SGSH: variants seen among roughly 807,000 people sequenced by gnomAD.
The protein encoded by SGSH is N-sulfoglucosamine sulfohydrolase, also known as heparan sulfate sulfatase.
SGSH carries 48 observed loss-of-function variants against 51.0 expected under a neutral mutation model. The ratio of observed to expected loss-of-function variants is 0.94; its 90% confidence interval spans 0.75 to 1.20. The LOEUF (loss-of-function observed/expected upper bound fraction) is 1.20. SGSH is among the 50% of genes most tolerant of loss of function. SGSH has a pLI of 0.00. For synonymous variants in SGSH, 321 were observed against 313.4 expected, an observed-to-expected ratio of 1.02 and a Z score of -0.26; for missense variants, 662 against 717.8, an observed-to-expected ratio of 0.92 and a Z score of 0.89.
At chr17:80,202,121 C>A (rs1170882612), downstream of SGSH, 4 of 1,475,126 alleles carry the variant, frequency 2.7e-6, no homozygotes, top group East Asian at 2.3e-5. Flanking sequence ...TTTTCTGCAA[C>A]CTTCCTCGCA....
At chr17:80,201,988 C>T (rs1439987183), downstream of SGSH, 2 of 1,393,874 alleles carry the variant, frequency 1.4e-6, no homozygotes, top group African/African-American at 2.9e-5. The surrounding 1 kb of genome is among the most constrained non-coding windows in gnomAD (Gnocchi z 5.0). Flanking sequence ...AAGAGAGGAT[C>T]AGCCAGGCTG....
chr17:80,208,115 C>T, downstream of SGSH: 3 of 1,493,642 alleles, frequency 2.0e-6, no homozygotes, highest in South Asian at 1.3e-5. Flanking sequence ...TGAGCCCGCC[C>T]CCCCCAACTC....
chr17:80,219,547 AC>A (rs2042050645), intron 1 of SGSH, among the ~76,000 whole-genome samples: 1 of 152,178 alleles, frequency 6.6e-6, no homozygotes. Flanking sequence ...AGTGAGCCGA[AC>A]CCCCGCCCAG....
downstream of SGSH, chr17:80,204,763 T>G (rs1411094622): frequency 4.5e-6 from 2 of 445,742 alleles, no homozygotes; most frequent in African/African-American, 4.0e-5. Context: ...TCCGCCATCC[T>G]CCCTTGGGCC....
At chr17:80,205,353 A>T, downstream of SGSH, 1 of 1,155,098 alleles carries the variant, frequency 8.7e-7, no homozygotes, top group Non-Finnish European at 1.2e-6. Context: ...CAGATAGTTC[A>T]GGATGGAGGT....
downstream of SGSH, chr17:80,202,385 T>C (rs1298475615): frequency 1.2e-6 from 2 of 1,612,980 alleles, no homozygotes; most frequent in African/African-American, 1.3e-5. Flanking sequence ...CCATGAAGGA[T>C]ACTGCCGCGC....
downstream of SGSH, chr17:80,202,311 C>T: frequency 3.1e-6 from 5 of 1,613,774 alleles, no homozygotes; most frequent in Non-Finnish European, 4.2e-6. Context: ...CGAGGTCCTG[C>T]ACGTCACCGA....
At chr17:80,211,037 C>A (rs1410346801) in intron 7 of SGSH, 26 bp from the exon 8 acceptor site, 2 of 1,597,778 alleles carry the variant, frequency 1.3e-6, no homozygotes, top group African/African-American at 2.7e-5. Context: ...CATCTCAGAG[C>A]AGCAGAGCCC....
In SGSH at chr17:80,209,935, G is replaced by GT; in HGVS notation, c.*516dup. ...AAGGCTTCCTCTAGGCCAGACGCTG[G>GT]TAAGAGCCAGGCGCCGTGCTCCCAG... On this transcript the variant is annotated 3_prime_UTR_variant, in exon 8 of 8. Transcript: ENST00000326317. 1.0e-6 allele frequency: 1 copy of GT among 999,910 alleles called. No individual in the cohort carries two copies. The highest frequency in any genetic ancestry group is 4.3e-5 in the South Asian group (1 of 23,054). 61.9% of individuals were successfully genotyped at this position (999,910 alleles called of 1,614,324 possible). A position where few individuals can be genotyped will look rare whatever the true frequency, so the allele number is the denominator to read the frequency against.
rs1438645884 is a variant in SGSH at position 80,209,380 on chromosome 17, G to A, written c.*1072C>T. On this transcript the variant is annotated 3_prime_UTR_variant, in exon 8 of 8. Transcript: ENST00000326317. The stretch of plus-strand genomic sequence containing the variant: ...CCACCCCAGTATGGAGTGATAGGGA[G>A]GGAAGGGCAAGGGGAGCCCACCTAC... 1 of 985,500 alleles carries A rather than the reference G, an allele frequency of 1.0e-6. No individual in the cohort carries two copies. The highest frequency in any genetic ancestry group is 6.1e-5 in the Admixed American group (1 of 16,290). 61.0% of individuals were successfully genotyped at this position (985,500 alleles called of 1,614,324 possible). A position where few individuals can be genotyped will look rare whatever the true frequency, so the allele number is the denominator to read the frequency against.
chr17:80,203,132 T>A (rs907452055), downstream of SGSH: 1 of 152,002 alleles, frequency 6.6e-6, no homozygotes, highest in Non-Finnish European at 1.5e-5. The surrounding 1 kb of genome is among the most constrained non-coding windows in gnomAD (Gnocchi z 4.6). Flanking sequence ...TAGCTGGGCG[T>A]GGTGGCAGGT....
At chr17:80,207,877 A>G (rs2041424615), downstream of SGSH, among the ~76,000 whole-genome samples, 1 of 151,694 alleles carries the variant, frequency 6.6e-6, no homozygotes, top group African/African-American at 2.4e-5. Flanking sequence ...AAAAAAAAAA[A>G]GTAAAAAAAT....
In SGSH at chr17:80,212,970, C is replaced by T. The variant is rs1361644099; in HGVS notation, c.746-696G>A. The T allele has an allele frequency of 6.4e-6, 1 of 155,972 alleles. No homozygotes were observed. The highest frequency in any genetic ancestry group is 2.4e-5 in the African/African-American group (1 of 41,440). 9.7% of individuals were successfully genotyped at this position (155,972 alleles called of 1,614,324 possible). On this transcript the variant is annotated intron_variant, in intron 6 of 7. Transcript: ENST00000326317. This position sits in a 1 kb window ranked among gnomAD's most constrained non-coding sequence, Gnocchi z 5.9. The stretch of plus-strand genomic sequence containing the variant: ...CTTTGGGAGGCTGAGGTGGGCGGAT[C>T]ACGAGGTCAGGAGTTCAAGACCAGC...
intron 1 of SGSH, 184 bp from the exon 2 acceptor site, chr17:80,217,376 A>G (rs2041933534): frequency 4.2e-6 from 3 of 706,148 alleles, no homozygotes; most frequent in East Asian, 2.7e-5. Context: ...CCTAGGAGGC[A>G]TGACACCCGA....
chr17:80,220,332 T>G lies in SGSH; in HGVS notation c.-19A>C. On this transcript the variant is annotated 5_prime_UTR_variant, in exon 1 of 8. Coordinates refer to ENST00000326317, the MANE Select transcript of SGSH (RefSeq NM_000199.5). ...AGCTCATGGCGGCGGCGGCTCGGACTCGGGATCGGGATCCGGCTCCGGCTC... is the reference window on the plus strand; with the variant it reads ...AGCTCATGGCGGCGGCGGCTCGGACGCGGGATCGGGATCCGGCTCCGGCTC... The G allele has an allele frequency of 6.8e-7, 1 of 1,480,338 alleles. No individual in the cohort carries two copies. Among genetic ancestry groups the G allele is most frequent in the Non-Finnish European group, 8.9e-7 (1 of 1,120,986 alleles). The allele number at this position is 1,480,338 out of a possible 1,614,324, so 91.7% of individuals were successfully genotyped here. A position where few individuals can be genotyped will look rare whatever the true frequency, so the allele number is the denominator to read the frequency against.
chr17:80,215,824 G>A (rs975944344), intron 2 of SGSH, among the ~76,000 whole-genome samples: 1 of 151,970 alleles, frequency 6.6e-6, no homozygotes, highest in Non-Finnish European at 1.5e-5. Context: ...AAGAACAAGT[G>A]TCCTTAAACA....
intron 5 of SGSH, 74 bp downstream of exon 5, chr17:80,214,098 G>C: frequency 1.3e-6 from 2 of 1,531,342 alleles, no homozygotes; most frequent in Non-Finnish European, 1.8e-6. Context: ...GGCCAGGGCT[G>C]CAAGCTCGTA....
Position 80,210,321 on chromosome 17 carries a change from AG to A in SGSH, c.*130del. ...GGCAAGAGTGACCCCACAGGAAGGA[AG>A]AACCCTCCTTGGATGGGAGTGTGGA... On this transcript the variant is annotated 3_prime_UTR_variant, in exon 8 of 8. Transcript: ENST00000326317. 6.9e-7 allele frequency: 1 copy of A among 1,442,244 alleles called. No homozygotes were observed. Among genetic ancestry groups the A allele is most frequent in the South Asian group, 1.5e-5 (1 of 68,398 alleles). 89.3% of individuals were successfully genotyped at this position (1,442,244 alleles called of 1,614,324 possible).
rs2041754246 is a variant in SGSH, at chr17:80,213,453, A to G, written c.745+351T>C. On this transcript the variant is annotated intron_variant, in intron 6 of 7. Coordinates refer to ENST00000326317, the MANE Select transcript of SGSH (RefSeq NM_000199.5). This position sits in a 1 kb window ranked among gnomAD's most constrained non-coding sequence, Gnocchi z 4.6. ...CAAATTTTGGTTGCTGTAAGCCATC[A>G]ACCACAAAAAACTCACAGACCTCAA... 2 of 344,886 alleles carry G rather than the reference A, an allele frequency of 5.8e-6. No homozygotes were observed. Among genetic ancestry groups the G allele is most frequent in the Admixed American group, 8.9e-5 (2 of 22,378 alleles). 21.4% of individuals were successfully genotyped at this position (344,886 alleles called of 1,614,324 possible). A position where few individuals can be genotyped will look rare whatever the true frequency, so the allele number is the denominator to read the frequency against.
Sources: gnomAD v4.1 joint callset for allele counts (sites outside exome capture counted in the v4.1 genomes callset) on GRCh38, gnomAD v4.1.1 for gene constraint, Gnocchi (gnomAD v3.1) non-coding constraint, MANE v1.5 for transcripts, NCBI Gene and HGNC (gene_info 2026-07-23, HGNC 2026-07-21) for gene names.